Variants in LANCL1 observed in about 807,000 individuals in gnomAD.
LANCL1 encodes the protein glutathione S-transferase LANCL1.
In LANCL1, 50 loss-of-function variants were observed where a neutral mutation model predicts 50.6. That is an observed-to-expected ratio of 0.99 (90% CI 0.79 to 1.25). The LOEUF (loss-of-function observed/expected upper bound fraction) is 1.25, where lower values mean the gene tolerates loss of function less well. Among genes scored for constraint, LANCL1 ranks in the 50% most tolerant of loss-of-function variants. LANCL1 has a pLI of 0.00. For synonymous variants in LANCL1, 188 were observed against 178.6 expected (o/e 1.05, Z -0.42); for missense variants, 532 against 480.7 (o/e 1.11, Z -1.00).
chr2:210,438,456 A>G (rs1289493747), intron 6 of LANCL1, among the ~76,000 whole-genome samples: 2 of 152,238 alleles, frequency 1.3e-5, no homozygotes, highest in Admixed American at 1.3e-4. Context: ...TTGTTTTTCA[A>G]TATTAATTGC....
intron 4 of LANCL1, 45 bp from the exon 5 acceptor site, chr2:210,441,488 G>A (rs1167350333): frequency 2.0e-6 from 3 of 1,535,326 alleles, no homozygotes. Context: ...AAGGAACCAG[G>A]TATTGGTGTA....
chr2:210,449,532 G>T (rs967372474), intron 4 of LANCL1, among the ~76,000 whole-genome samples: 21 of 152,276 alleles, frequency 1.4e-4, no homozygotes, highest in Non-Finnish European at 2.8e-4. Context: ...GAAATAAAGG[G>T]TACTCAGATA....
At chr2:210,476,486 C>A in intron 1 of LANCL1, 74 bp from the exon 2 acceptor site, 1 of 1,469,438 alleles carries the variant, frequency 6.8e-7, no homozygotes, top group Non-Finnish European at 9.1e-7. Flanking sequence ...GGCGGCGGCG[C>A]CCAGGTATCC....
At position 210,455,209 on chromosome 2, in the gene LANCL1, C is replaced by A. The variant is rs371433604; in HGVS notation, c.305G>T (p.Arg102Leu). 1 of 1,613,290 alleles carries A rather than the reference C, an allele frequency of 6.2e-7. No individual in the cohort carries two copies. Among genetic ancestry groups the A allele is most frequent in the Non-Finnish European group, 8.5e-7 (1 of 1,179,680 alleles). The stretch of plus-strand genomic sequence containing the variant: ...ATCCCCACAAAGGAAGGTGATGGAG[C>A]GCTTGGTTAAGCAGTTCAGACTTTG... ...VKQSLNCLTK[R>L]SITFLCGDAG... The change falls in exon 4 of 10, where the codon CGC (arginine) becomes CTC (leucine). Residue 102 changes from arginine (R) to leucine (L), a missense_variant. By Grantham distance (102) the Arg-to-Leu change is moderately radical. Coordinates refer to ENST00000450366, the MANE Select transcript of LANCL1 (RefSeq NM_006055.3).
intron 2 of LANCL1, among the ~76,000 whole-genome samples, chr2:210,474,992 T>C (rs563388173): frequency 1.8e-3 from 272 of 152,284 alleles, no homozygotes; most frequent in Non-Finnish European, 3.7e-3. Context: ...TGAAGATAAT[T>C]ATAAAAAGCT....
intron 5 of LANCL1, 113 bp downstream of exon 5, chr2:210,441,195 T>C: frequency 2.8e-6 from 3 of 1,085,690 alleles, no homozygotes; most frequent in Non-Finnish European, 2.7e-6. Flanking sequence ...GAGGTCCAGA[T>C]ACACCTTCCT....
At position 210,436,297 on chromosome 2, in the gene LANCL1, G is replaced by T. The variant is rs780529363; in HGVS notation, c.969C>A (p.His323Gln). The change falls in exon 8 of 10, where the codon CAC becomes CAA. Residue 323 changes from histidine (H) to glutamine (Q), a missense_variant. Physicochemically the swap from His to Gln is conservative, Grantham distance 24 (BLOSUM62 0). Coordinates refer to ENST00000450366, the MANE Select transcript of LANCL1 (RefSeq NM_006055.3). The part of the protein sequence containing the change: ...GLLKKGYGLC[H>Q]GSAGNAYAFL... The stretch of plus-strand genomic sequence containing the variant: ...AGGCATAGGCATTCCCTGCAGAACC[G>T]TGGCACAGCCCATATCCCTTCTTCA... 6.2e-7 allele frequency: 1 copy of T among 1,614,040 alleles called. No homozygotes were observed. Among genetic ancestry groups the T allele is most frequent in the Admixed American group, 1.7e-5 (1 of 60,004 alleles).
At chr2:210,442,968 T>C (rs1693191538) in intron 4 of LANCL1, among the ~76,000 whole-genome samples, 1 of 152,114 alleles carries the variant, frequency 6.6e-6, no homozygotes, top group African/African-American at 2.4e-5. Flanking sequence ...GAGCCTAAAC[T>C]CTGAGGGAGG....
chr2:210,457,837 T>C (rs990167145), intron 3 of LANCL1, among the ~76,000 whole-genome samples: 1 of 152,196 alleles, frequency 6.6e-6, no homozygotes, highest in Non-Finnish European at 1.5e-5. Flanking sequence ...GCTCTTGTGA[T>C]GGAGAGTAAG....
intron 4 of LANCL1, among the ~76,000 whole-genome samples, chr2:210,443,998 C>T (rs1693231532): frequency 6.6e-6 from 1 of 152,090 alleles, no homozygotes; most frequent in Non-Finnish European, 1.5e-5. Flanking sequence ...TTTCTCTGAG[C>T]TACAAAAACA....
chr2:210,454,574 C>T (rs564076140), intron 4 of LANCL1, among the ~76,000 whole-genome samples: 117 of 152,206 alleles, frequency 7.7e-4, no homozygotes, highest in Middle Eastern at 6.8e-3. Context: ...TCTTAGAACT[C>T]CGAAAGAGTG....
chr2:210,463,236 A>T (rs1693926938), intron 3 of LANCL1, among the ~76,000 whole-genome samples: 1 of 151,814 alleles, frequency 6.6e-6, no homozygotes, highest in African/African-American at 2.4e-5. Flanking sequence ...TTTTGGAGAC[A>T]GTCTCCCTTT....
At chr2:210,465,346 G>A (rs1170801257) in intron 3 of LANCL1, among the ~76,000 whole-genome samples, 1 of 152,232 alleles carries the variant, frequency 6.6e-6, no homozygotes, top group African/African-American at 2.4e-5. Context: ...TGCTGAAAGT[G>A]CTTCCACGAA....
At chr2:210,458,510 A>G (rs960050869) in intron 3 of LANCL1, among the ~76,000 whole-genome samples, 5 of 152,210 alleles carry the variant, frequency 3.3e-5, no homozygotes, top group Admixed American at 2.6e-4. Context: ...CAGGAGGAAC[A>G]GTTAGGAGGA....
Position 210,437,786 on chromosome 2 carries a change from G to A in LANCL1, c.777C>T (p.Gly259=). Residue 259 remains glycine, a synonymous_variant, in exon 7 of 10, where the codon GGC becomes GGT. Transcript: ENST00000450366. ...TATCACCTATACATGGAGGGTAATT[G>A]CCAGAAGGGAATTTCAGCTGGCAGA... is the stretch of plus-strand genomic sequence containing the variant. ...DYVCQLKFPS[G]NYPPCIGDNR... The A allele has an allele frequency of 6.2e-7, 1 of 1,613,408 alleles. No homozygotes were observed. Among genetic ancestry groups the A allele is most frequent in the East Asian group, 2.2e-5 (1 of 44,816 alleles).
Position 210,443,597 on chromosome 2 carries a change from T to C in LANCL1, c.408-2154A>G, listed in dbSNP as rs771241672. ...TTAGAAATTATCGTGTTTATCTATA[T>C]GGAAATTTAATTTTAAAGTAGTTAA... On this transcript the variant is annotated intron_variant, in intron 4 of 9. Transcript: ENST00000450366. Among the ~76,000 whole-genome samples, 7 of 152,192 alleles carry C rather than the reference T, an allele frequency of 4.6e-5. 1 individual carries two copies. The highest frequency in any genetic ancestry group is 1.7e-4 in the African/African-American group (7 of 41,436).
Position 210,455,234 on chromosome 2 carries a change from G to T in LANCL1, c.280C>A (p.Gln94Lys). 1 of 1,612,266 alleles carries T rather than the reference G, an allele frequency of 6.2e-7. No individual in the cohort carries two copies. The highest frequency in any genetic ancestry group is 8.5e-7 in the Non-Finnish European group (1 of 1,179,600). Residue 94 changes from glutamine (Q) to lysine (K), a missense_variant, in exon 4 of 10, where the codon CAA (glutamine) becomes AAA (lysine). Transcript: ENST00000450366. Reference protein sequence around the residue: ...YLQLAHGYVKQSLNCLTKRSI... With the variant: ...YLQLAHGYVKKSLNCLTKRSI... ...CGCTTGGTTAAGCAGTTCAGACTTT[G>T]CTTTACATAGCCATGTGCTAACTGT...
chr2:210,455,350 G>C, intron 3 of LANCL1, 36 bp from the exon 4 acceptor site: 2 of 1,540,630 alleles, frequency 1.3e-6, no homozygotes, highest in Non-Finnish European at 1.8e-6. Context: ...TAAAGATGAG[G>C]AAAGGCAGTT....
At chr2:210,461,391 A>C (rs1693853635) in intron 3 of LANCL1, among the ~76,000 whole-genome samples, 2 of 152,024 alleles carry the variant, frequency 1.3e-5, no homozygotes, top group South Asian at 2.1e-4. Flanking sequence ...GCTGGCTCTG[A>C]TGAAGAGCTA....
Sources: gnomAD v4.1 joint callset for allele counts (sites outside exome capture counted in the v4.1 genomes callset) on GRCh38, gnomAD v4.1.1 for gene constraint, MANE v1.5 for transcripts, NCBI Gene and HGNC (gene_info 2026-07-23, HGNC 2026-07-21) for gene names.